JAK2: variants seen among roughly 807,000 people sequenced by gnomAD.
JAK2 encodes Janus kinase 2.
Under a neutral mutation model 139.3 loss-of-function variants are expected in JAK2, and 86 were observed. That is an observed-to-expected ratio of 0.62 (90% confidence interval 0.52 to 0.74). The LOEUF is 0.74. JAK2 is among the 30% of genes least tolerant of loss of function. JAK2 has a pLI of 0.00. For synonymous variants in JAK2, 490 were observed against 437.7 expected, an observed-to-expected ratio of 1.12 and a Z score of -1.49; for missense variants, 1,421 against 1,360.3, an observed-to-expected ratio of 1.04 and a Z score of -0.70.
Position 5,103,221 on chromosome 9 carries a change from CAAAAAAAAAAAAAAAAAAAAAA to C in JAK2, c.3059+12323_3059+12344del, listed in dbSNP as rs56691830. ...GAAGATCTACCAAGCAAAGGGAAAG[CAAAAAAAAAAAAAAAAAAAAAA>C]AAAAAAAAAAAAGCAGGAGTTGCAA... On this transcript the variant is annotated intron_variant, in intron 22 of 24. Coordinates refer to ENST00000381652, the MANE Select transcript of JAK2 (RefSeq NM_004972.4). Among the ~76,000 whole-genome samples the C allele has an allele frequency of 6.3e-3, 43 of 6,850 alleles. 1 individual carries two copies. The highest frequency in any genetic ancestry group is 0.023 in the African/African-American group (39 of 1,682). 4.5% of individuals were successfully genotyped at this position (6,850 alleles called of 152,430 possible). A position where few individuals can be genotyped will look rare whatever the true frequency, so the allele number is the denominator to read the frequency against.
chr9:5,017,831 G>A (rs1370631099), intron 2 of JAK2, among the ~76,000 whole-genome samples: 1 of 152,160 alleles, frequency 6.6e-6, no homozygotes, highest in Non-Finnish European at 1.5e-5. Context: ...TACATTAGAA[G>A]TTCTAGAATT....
intron 10 of JAK2, among the ~76,000 whole-genome samples, chr9:5,067,657 T>A (rs190580609): frequency 0.015 from 2,224 of 151,702 alleles, 40 homozygotes; most frequent in African/African-American, 0.05. Context: ...TTCAAAAAAA[T>A]ATATATATAT....
rs1823548326 is a variant in JAK2 at position 5,120,686 on chromosome 9, A to G, written c.3060-2318A>G. Among the ~76,000 whole-genome samples the G allele has an allele frequency of 2.0e-5, 3 of 152,168 alleles. No homozygotes were observed. In the South Asian group the frequency reaches 6.2e-4, roughly 32 times the overall value. On this transcript the variant is annotated intron_variant, in intron 22 of 24. Transcript: ENST00000381652. ...CACCTTGTGTGAAGACCTCTGTGCT[A>G]GTCATGAGATAAGGATGTGATGTAA...
intron 23 of JAK2, among the ~76,000 whole-genome samples, chr9:5,125,231 A>G (rs921062417): frequency 6.6e-6 from 1 of 151,134 alleles, no homozygotes; most frequent in Non-Finnish European, 1.5e-5. Context: ...TAAAACTTTT[A>G]TAACTTTTAT....
intron 22 of JAK2, among the ~76,000 whole-genome samples, chr9:5,116,879 G>T (rs977362836): frequency 6.6e-6 from 1 of 152,200 alleles, no homozygotes; most frequent in African/African-American, 2.4e-5. Flanking sequence ...TGCAATAAGT[G>T]TAAGTGCAAT....
At chr9:5,069,903 T>C (rs189627971) in intron 11 of JAK2, 22 bp from the exon 12 acceptor site, 2 of 1,514,962 alleles carry the variant, frequency 1.3e-6, no homozygotes, top group Middle Eastern at 1.7e-4. Context: ...TGAAGTGATA[T>C]ATATGTATTT....
intron 8 of JAK2, among the ~76,000 whole-genome samples, chr9:5,062,131 A>AT (rs888233844): frequency 7.2e-5 from 11 of 151,900 alleles, no homozygotes; most frequent in East Asian, 3.9e-4. Flanking sequence ...CTTATATGCA[A>AT]TTTTTTTTCA....
intron 4 of JAK2, chr9:5,041,833 C>A: frequency 2.1e-6 from 1 of 479,448 alleles, no homozygotes; most frequent in South Asian, 1.5e-5. Context: ...CTGAACTCCA[C>A]CAATGGGGAG....
intron 13 of JAK2, among the ~76,000 whole-genome samples, chr9:5,073,323 C>T (rs963209361): frequency 6.6e-6 from 1 of 152,190 alleles, no homozygotes; most frequent in Non-Finnish European, 1.5e-5. Flanking sequence ...AATTCTTTAG[C>T]AAGTGTTATT....
At chr9:5,053,619 G>A (rs1817567947) in intron 6 of JAK2, among the ~76,000 whole-genome samples, 1 of 152,040 alleles carries the variant, frequency 6.6e-6, no homozygotes, top group Non-Finnish European at 1.5e-5. Flanking sequence ...AAACTGGAAT[G>A]AGTTGAGGGA....
intron 14 of JAK2, among the ~76,000 whole-genome samples, chr9:5,077,236 T>C (rs1193998862): frequency 6.7e-6 from 1 of 150,160 alleles, no homozygotes; most frequent in African/African-American, 2.4e-5. Flanking sequence ...TATATAATAA[T>C]ATATAATTGT....
intron 2 of JAK2, among the ~76,000 whole-genome samples, chr9:4,992,133 A>G (rs1271104843): frequency 6.6e-6 from 1 of 152,126 alleles, no homozygotes; most frequent in African/African-American, 2.4e-5. Flanking sequence ...AAGGCAAAGG[A>G]CTGGAATCAT....
Position 5,066,720 on chromosome 9 carries a change from G to GACTGGACTGT in JAK2, c.1259_1268dup (p.Val424TrpfsTer10). ...GTAAACTGAAGAAAGCAGGTAATCA[G>GACTGGACTGT]ACTGGACTGTATGTACTTCGATGCA... On this transcript the variant is annotated frameshift_variant, in exon 10 of 25. Transcript: ENST00000381652. LOFTEE classifies it high-confidence loss of function. 6.2e-7 allele frequency: 1 copy of GACTGGACTGT among 1,610,268 alleles called. No homozygotes were observed. The highest frequency in any genetic ancestry group is 8.5e-7 in the Non-Finnish European group (1 of 1,177,976).
At chr9:5,031,056 G>A (rs904453852) in intron 4 of JAK2, among the ~76,000 whole-genome samples, 2 of 152,058 alleles carry the variant, frequency 1.3e-5, no homozygotes, top group Admixed American at 1.3e-4. Context: ...GACAGTATAG[G>A]AAAATTAGAA....
chr9:5,120,119 G>C (rs1227014633), intron 22 of JAK2, among the ~76,000 whole-genome samples: 1 of 152,234 alleles, frequency 6.6e-6, no homozygotes, highest in Non-Finnish European at 1.5e-5. Context: ...TCTGGTGAGA[G>C]CTGCTCTCTT....
chr9:5,089,654 T>C lies in JAK2; in HGVS notation c.2572-20T>C. 7.8e-7 allele frequency: 1 copy of C among 1,275,328 alleles called. No individual in the cohort carries two copies. Among genetic ancestry groups the C allele is most frequent in the Non-Finnish European group, 1.0e-6 (1 of 987,392 alleles). The allele number at this position is 1,275,328 out of a possible 1,614,324, so 79.0% of individuals were successfully genotyped here. A position where few individuals can be genotyped will look rare whatever the true frequency, so the allele number is the denominator to read the frequency against. ...CCTTGAAAACTTGGTATTTCCATCCTAATGTGATGTGTCATTTAGGGTAAT... is the reference window on the plus strand; with the variant it reads ...CCTTGAAAACTTGGTATTTCCATCCCAATGTGATGTGTCATTTAGGGTAAT... On this transcript the variant is annotated intron_variant, in intron 19 of 24. Coordinates refer to ENST00000381652, the MANE Select transcript of JAK2 (RefSeq NM_004972.4).
intron 8 of JAK2, among the ~76,000 whole-genome samples, chr9:5,062,298 G>A (rs947764601): frequency 9.9e-5 from 15 of 151,804 alleles, no homozygotes; most frequent in Non-Finnish European, 2.1e-4. Flanking sequence ...AATCCCCCTT[G>A]TATTCTGAGG....
intron 6 of JAK2, among the ~76,000 whole-genome samples, chr9:5,051,814 C>A (rs899283865): frequency 6.6e-6 from 1 of 151,976 alleles, no homozygotes; most frequent in East Asian, 1.9e-4. Context: ...AGTTACATAC[C>A]CAATTTGCAG....
chr9:5,122,376 GTTCT>G (rs1823684519), intron 22 of JAK2, among the ~76,000 whole-genome samples: 1 of 151,974 alleles, frequency 6.6e-6, no homozygotes. Context: ...TGGTTAACAG[GTTCT>G]TTCTTTTATA....
Sources: gnomAD v4.1 joint callset for allele counts (sites outside exome capture counted in the v4.1 genomes callset) on GRCh38, gnomAD v4.1.1 for gene constraint, MANE v1.5 for transcripts, NCBI Gene and HGNC (gene_info 2026-07-23, HGNC 2026-07-21) for gene names.